SEC62: variants seen among roughly 807,000 people sequenced by gnomAD.
The protein encoded by SEC62 is SEC62 preprotein translocation factor.
A neutral mutation model predicts 47.5 loss-of-function variants in SEC62; 10 were observed. The ratio of observed to expected loss-of-function variants is 0.21; its 90% CI spans 0.13 to 0.36. The LOEUF is 0.36. SEC62 is among the 10% of genes least tolerant of loss of function. The pLI is 1.00. For missense variants in SEC62, 327 were observed against 464.1 expected (o/e 0.70, Z 2.71); for synonymous variants, 136 against 150.5 (o/e 0.90, Z 0.71).
At chr3:169,971,994 C>T (rs1457418088) in intron 1 of SEC62, among the ~76,000 whole-genome samples, 1 of 152,166 alleles carries the variant, frequency 6.6e-6, no homozygotes, top group Non-Finnish European at 1.5e-5. Flanking sequence ...TCTATGTGTT[C>T]TACATTTGAA....
chr3:169,988,868 C>A (rs189612857), intron 7 of SEC62, among the ~76,000 whole-genome samples: 193 of 152,010 alleles, frequency 1.3e-3, no homozygotes, highest in Non-Finnish European at 5.9e-4. Flanking sequence ...ATAATACTTT[C>A]AGTAAAACAT....
At chr3:169,976,175 T>C (rs1271569778) in intron 2 of SEC62, among the ~76,000 whole-genome samples, 1 of 151,632 alleles carries the variant, frequency 6.6e-6, no homozygotes, top group East Asian at 1.9e-4. Context: ...GGCAGGAGGG[T>C]TGCTTGAGGC....
chr3:169,988,983 T>A (rs1226385577), intron 7 of SEC62, among the ~76,000 whole-genome samples: 1 of 152,056 alleles, frequency 6.6e-6, no homozygotes, highest in African/African-American at 2.4e-5. Flanking sequence ...AAATCAATAA[T>A]TTTCACCCAA....
intron 1 of SEC62, among the ~76,000 whole-genome samples, chr3:169,970,292 T>C (rs1714665162): frequency 6.6e-6 from 1 of 152,240 alleles, no homozygotes; most frequent in Admixed American, 6.5e-5. Flanking sequence ...TCAGATCTTA[T>C]TGTTAAACTA....
intron 5 of SEC62, chr3:169,983,690 G>C (rs7623535): frequency 0.29 from 43,951 of 152,482 alleles, 7,694 homozygotes; most frequent in African/African-American, 0.49. Context: ...AAGGAGACCA[G>C]TTTAAGGACA....
In SEC62 at chr3:169,993,123, G is replaced by C; in HGVS notation, c.*60G>C. The C allele has an allele frequency of 8.1e-7, 1 of 1,230,908 alleles. No homozygotes were observed. Among genetic ancestry groups the C allele is most frequent in the Non-Finnish European group, 1.1e-6 (1 of 891,548 alleles). 76.2% of individuals were successfully genotyped at this position (1,230,908 alleles called of 1,614,324 possible). On this transcript the variant is annotated 3_prime_UTR_variant, in exon 8 of 8. Transcript: ENST00000337002. ...AGAGGTTGGATTTTCTATGTTGGCT[G>C]ATTACCATATTGAACACATGGCATT...
At chr3:169,973,647 A>G (rs1714760391) in intron 1 of SEC62, among the ~76,000 whole-genome samples, 1 of 150,682 alleles carries the variant, frequency 6.6e-6, no homozygotes, top group Non-Finnish European at 1.5e-5. Flanking sequence ...TGGGAGACAG[A>G]GCAAGACTGC....
At chr3:169,967,033 C>T (rs1714546745) in intron 1 of SEC62, among the ~76,000 whole-genome samples, 175 bp downstream of exon 1, 1 of 151,934 alleles carries the variant, frequency 6.6e-6, no homozygotes, top group Admixed American at 6.6e-5. Context: ...TGAGGGGGGG[C>T]GGTGTTGGCG....
intron 1 of SEC62, among the ~76,000 whole-genome samples, chr3:169,973,062 TTATAG>T (rs1329792218): frequency 6.6e-6 from 1 of 152,222 alleles, no homozygotes; most frequent in Non-Finnish European, 1.5e-5. Context: ...TATAAACCAT[TTATAG>T]TATTCAACTT....
intron 3 of SEC62, among the ~76,000 whole-genome samples, chr3:169,981,640 A>G (rs1190219374): frequency 6.6e-6 from 1 of 152,258 alleles, no homozygotes; most frequent in Non-Finnish European, 1.5e-5. Flanking sequence ...AGTGACTTTT[A>G]GATGACAAAA....
At position 169,992,621 on chromosome 3, in the gene SEC62, G is replaced by T; in HGVS notation, c.758G>T (p.Trp253Leu). 4 of 1,613,140 alleles carry T rather than the reference G, an allele frequency of 2.5e-6. No homozygotes were observed. Among genetic ancestry groups the T allele is most frequent in the Non-Finnish European group, 3.4e-6 (4 of 1,179,776 alleles). The change falls in exon 8 of 8, where the codon TGG becomes TTG. Residue 253 changes from tryptophan (W) to leucine (L), a missense_variant. Around this residue, in one of 3 missense-constraint regions of SEC62, gnomAD observed 99 missense variants for 194.0 expected, o/e 0.51. Transcript: ENST00000337002. This position sits in a 1 kb window ranked among gnomAD's most constrained non-coding sequence, Gnocchi z 4.0. ...CGATGCATTCTATTTCTCATCATTTGGCTCATAACTGGAGGAAGGCACCAC... is the reference window on the plus strand; with the variant it reads ...CGATGCATTCTATTTCTCATCATTTTGCTCATAACTGGAGGAAGGCACCAC... ...VARCILFLII[W>L]LITGGRHHFW...
Position 169,996,287 on chromosome 3 carries a change from G to A in SEC62, c.*3224G>A, listed in dbSNP as rs1034527610. The A allele has an allele frequency of 6.6e-6, 1 of 152,664 alleles. No homozygotes were observed. The highest frequency in any genetic ancestry group is 1.5e-5 in the Non-Finnish European group (1 of 68,046). The allele number at this position is 152,664 out of a possible 1,614,324, so 9.5% of individuals were successfully genotyped here. ...AATCATGCTCCAGTATTTGAGTGAT[G>A]TTTTAAATATCCTATGTCTGAAAAT... is the stretch of plus-strand genomic sequence containing the variant. On this transcript the variant is annotated 3_prime_UTR_variant, in exon 8 of 8. Transcript: ENST00000337002.
chr3:169,983,146 C>T lies in SEC62; in HGVS notation c.457-15C>T. 6.3e-7 allele frequency: 1 copy of T among 1,586,930 alleles called. No homozygotes were observed. The highest frequency in any genetic ancestry group is 1.1e-5 in the South Asian group (1 of 89,102). On this transcript the variant is annotated splice_polypyrimidine_tract_variant and intron_variant, in intron 4 of 7. Coordinates refer to ENST00000337002, the MANE Select transcript of SEC62 (RefSeq NM_003262.4). The stretch of plus-strand genomic sequence containing the variant: ...TACTTGTGTTATTTCTTCTGTCCAA[C>T]TTGTGTTTTCATAGGAGGAAACTCC...
chr3:169,988,310 C>G lies in SEC62; in HGVS notation c.681C>G (p.Leu227=), dbSNP rs763837785. ...PAEMRVGVYY[L]SVGAGCFVAS... is the part of the protein sequence containing the mutation. ...AAATGAGAGTAGGTGTTTATTACCT[C>G]AGTGTGGGTGCAGGCTGTTTTGTAG... The change falls in exon 7 of 8, where the codon CTC becomes CTG. Residue 227 remains leucine (L), a synonymous_variant. Transcript: ENST00000337002. 9 of 1,613,954 alleles carry G rather than the reference C, an allele frequency of 5.6e-6. No individual in the cohort carries two copies. In the Admixed American group the frequency reaches 1.2e-4, roughly 21 times the overall value.
intron 1 of SEC62, 88 bp downstream of exon 1, chr3:169,966,946 C>G: frequency 3.8e-6 from 2 of 532,454 alleles, no homozygotes; most frequent in Non-Finnish European, 2.7e-6. Flanking sequence ...CGAGCGAAAG[C>G]AAGGGCGAGG....
rs755919368 is a variant in SEC62, at chr3:169,988,302, T to G, written c.673T>G (p.Tyr225Asp). 6.2e-7 allele frequency: 1 copy of G among 1,614,006 alleles called. No individual in the cohort carries two copies. The highest frequency in any genetic ancestry group is 8.5e-7 in the Non-Finnish European group (1 of 1,179,914). ...GCCAGCAGAAATGAGAGTAGGTGTT[T>G]ATTACCTCAGTGTGGGTGCAGGCTG... ...LWPAEMRVGV[Y>D]YLSVGAGCFV... Residue 225 changes from tyrosine to aspartate, a missense_variant, in exon 7 of 8, where the codon TAT becomes GAT. By Grantham distance (160) the Tyr-to-Asp change is radical (BLOSUM62 -3). Coordinates refer to ENST00000337002, the MANE Select transcript of SEC62 (RefSeq NM_003262.4).
intron 3 of SEC62, among the ~76,000 whole-genome samples, chr3:169,980,137 A>T (rs1330846604): frequency 6.6e-6 from 1 of 152,242 alleles, no homozygotes; most frequent in Admixed American, 6.5e-5. Flanking sequence ...CTGATCTGTT[A>T]GGGAAGATTT....
intron 6 of SEC62, among the ~76,000 whole-genome samples, chr3:169,987,762 A>C (rs1282083893): frequency 6.6e-6 from 1 of 152,228 alleles, no homozygotes; most frequent in Non-Finnish European, 1.5e-5. Flanking sequence ...CATCTGTAGC[A>C]GAAATCACCT....
Position 169,995,317 on chromosome 3 carries a change from G to A in SEC62, c.*2254G>A, listed in dbSNP as rs904879213. On this transcript the variant is annotated 3_prime_UTR_variant, in exon 8 of 8. Coordinates refer to ENST00000337002, the MANE Select transcript of SEC62 (RefSeq NM_003262.4). ...ACTAAGCAGGATTGAATTTACCAGA[G>A]GCTAAGTTCAGATAGTAAGAATAAT... 2 of 152,074 alleles carry A rather than the reference G, an allele frequency of 1.3e-5. No individual in the cohort carries two copies. Among genetic ancestry groups the A allele is most frequent in the Non-Finnish European group, 2.9e-5 (2 of 68,008 alleles). The allele number at this position is 152,074 out of a possible 1,614,324, so 9.4% of individuals were successfully genotyped here. A position where few individuals can be genotyped will look rare whatever the true frequency, so the allele number is the denominator to read the frequency against.
Sources: gnomAD v4.1 joint callset for allele counts (sites outside exome capture counted in the v4.1 genomes callset) on GRCh38, gnomAD v4.1.1 for gene constraint, gnomAD v4.1.1 regional missense constraint, Gnocchi (gnomAD v3.1) non-coding constraint, MANE v1.5 for transcripts, NCBI Gene and HGNC (gene_info 2026-07-23, HGNC 2026-07-21) for gene names.